FGF12: variants seen among roughly 807,000 people sequenced by gnomAD.
The protein encoded by FGF12 is fibroblast growth factor 12B.
In FGF12, 14 loss-of-function variants were observed where a neutral mutation model predicts 23.6. That is an observed-to-expected ratio of 0.59 (90% CI 0.39 to 0.93). The LOEUF is 0.93. Ranked by LOEUF, FGF12 falls within the 40% of genes least tolerant of loss-of-function variation. The probability of loss-of-function intolerance (pLI) is 0.00; values close to 1 mark genes in which losing one functional copy is unlikely to be tolerated. For missense variants in FGF12, 175 were observed against 217.8 expected (o/e 0.80, Z 1.24); for synonymous variants, 62 against 77.3 (o/e 0.80, Z 1.04).
intron 2 of FGF12, among the ~76,000 whole-genome samples, chr3:192,439,748 G>A (rs948285988): frequency 7.7e-4 from 117 of 151,994 alleles, no homozygotes; most frequent in African/African-American, 2.8e-3. Flanking sequence ...AGGCCAAGGT[G>A]GGTGAATCAC....
chr3:192,234,972 T>G (rs1440311474), intron 4 of FGF12, among the ~76,000 whole-genome samples: 1 of 152,214 alleles, frequency 6.6e-6, no homozygotes, highest in Non-Finnish European at 1.5e-5. Context: ...TTTATATCTA[T>G]GTTCATCAAG....
chr3:192,670,157 G>T (rs1388281601), intron 2 of FGF12, among the ~76,000 whole-genome samples: 1 of 152,100 alleles, frequency 6.6e-6, no homozygotes, highest in African/African-American at 2.4e-5. Context: ...TGCAGAAGTA[G>T]ATTGACAATC....
chr3:192,558,966 A>G (rs1577053383), intron 2 of FGF12, among the ~76,000 whole-genome samples: 2 of 151,992 alleles, frequency 1.3e-5, no homozygotes. Flanking sequence ...TCGATTAAAG[A>G]CTTAAATGCA....
chr3:192,555,372 T>C (rs566537127), intron 2 of FGF12, among the ~76,000 whole-genome samples: 10 of 152,086 alleles, frequency 6.6e-5, no homozygotes, highest in African/African-American at 2.4e-4. Context: ...AAATAGAAAA[T>C]CAGAGAATAG....
At position 192,222,056 on chromosome 3, in the gene FGF12, C is replaced by T. The variant is rs115253812; in HGVS notation, c.229-51400G>A. On this transcript the variant is annotated intron_variant, in intron 4 of 5. Coordinates refer to ENST00000445105, the MANE Select transcript of FGF12 (RefSeq NM_004113.6). The stretch of plus-strand genomic sequence containing the variant: ...GGAACAGAGAACATGACAGGTGTGA[C>T]ATGTATTCAGATACTATCCATAAAT... Among the ~76,000 whole-genome samples, 791 of 152,192 alleles carry T rather than the reference C, an allele frequency of 5.2e-3. 3 individuals carry two copies. The highest frequency in any genetic ancestry group is 0.019 in the African/African-American group (769 of 41,534).
intron 2 of FGF12, among the ~76,000 whole-genome samples, chr3:192,676,367 C>T (rs1717327252): frequency 6.6e-6 from 1 of 152,212 alleles, no homozygotes; most frequent in South Asian, 2.1e-4. Context: ...CAACTCCTCT[C>T]TTTATGAAAT....
intron 2 of FGF12, among the ~76,000 whole-genome samples, chr3:192,616,387 A>G (rs1714755609): frequency 1.3e-5 from 2 of 152,068 alleles, no homozygotes. Context: ...TTATTTAGGT[A>G]TATACCTCAT....
intron 2 of FGF12, among the ~76,000 whole-genome samples, chr3:192,489,896 G>C (rs1723748997): frequency 6.6e-6 from 1 of 151,814 alleles, no homozygotes; most frequent in Non-Finnish European, 1.5e-5. Flanking sequence ...TTAATACCTG[G>C]GCGATGAAAT....
intron 2 of FGF12, among the ~76,000 whole-genome samples, chr3:192,658,293 T>C (rs140480863): frequency 6.6e-6 from 1 of 152,340 alleles, no homozygotes; most frequent in East Asian, 1.9e-4. Flanking sequence ...AACCTGCCAG[T>C]GGTCAGGTAC....
At chr3:192,688,796 T>C (rs1028405842) in intron 2 of FGF12, among the ~76,000 whole-genome samples, 1 of 152,210 alleles carries the variant, frequency 6.6e-6, no homozygotes, top group Admixed American at 6.5e-5. Flanking sequence ...CCCCCGTGTG[T>C]ATTGCAGCAG....
intron 2 of FGF12, among the ~76,000 whole-genome samples, chr3:192,507,398 T>C (rs4502538): frequency 0.051 from 7,627 of 150,306 alleles, 338 homozygotes; most frequent in Admixed American, 0.16. Context: ...CACACAGACA[T>C]TTTAAATAGA....
intron 4 of FGF12, among the ~76,000 whole-genome samples, chr3:192,211,503 G>C (rs946494213): frequency 2.2e-5 from 3 of 134,988 alleles, no homozygotes; most frequent in African/African-American, 8.8e-5. Context: ...TCGGCTCACT[G>C]CAAGCTCCGC....
At chr3:192,539,442 T>C (rs1725311483) in intron 2 of FGF12, among the ~76,000 whole-genome samples, 1 of 152,320 alleles carries the variant, frequency 6.6e-6, no homozygotes, top group South Asian at 2.1e-4. Context: ...ATGCATCACA[T>C]TGATTGATTT....
At chr3:192,587,127 G>A (rs1713406612) in intron 2 of FGF12, among the ~76,000 whole-genome samples, 2 of 148,030 alleles carry the variant, frequency 1.4e-5, no homozygotes, top group African/African-American at 4.9e-5. Context: ...GCATTTGAAG[G>A]GAAAGTGCTG....
chr3:192,306,437 G>A (rs529943684), intron 4 of FGF12, among the ~76,000 whole-genome samples: 1 of 152,134 alleles, frequency 6.6e-6, no homozygotes, highest in East Asian at 1.9e-4. Context: ...TTTCTGGGTG[G>A]CATCATAATC....
chr3:192,675,374 C>T (rs965236911), intron 2 of FGF12, among the ~76,000 whole-genome samples: 4 of 150,784 alleles, frequency 2.7e-5, no homozygotes, highest in African/African-American at 9.8e-5. Flanking sequence ...TACATAGTGA[C>T]ATAAATGATA....
At chr3:192,256,502 T>C (rs1287307882) in intron 4 of FGF12, among the ~76,000 whole-genome samples, 1 of 151,778 alleles carries the variant, frequency 6.6e-6, no homozygotes, top group Admixed American at 6.6e-5. Context: ...AAGTAAAATA[T>C]GCGGGTTTAC....
Position 192,410,035 on chromosome 3 carries a change from G to A in FGF12, c.14-49497C>T, listed in dbSNP as rs557082221. On this transcript the variant is annotated intron_variant, in intron 2 of 5. Coordinates refer to ENST00000445105, the MANE Select transcript of FGF12 (RefSeq NM_004113.6). Reference sequence around the variant, plus strand: ...CTGGCTCAGCTGGAGTGCTAGCTCCGCAGGAAACTCGGGGCCCGGGCGAGA... The same window carrying A: ...CTGGCTCAGCTGGAGTGCTAGCTCCACAGGAAACTCGGGGCCCGGGCGAGA... Among the ~76,000 whole-genome samples the A allele has an allele frequency of 3.5e-3, 540 of 152,140 alleles. 1 individual carries two copies. Among genetic ancestry groups the A allele is most frequent in the African/African-American group, 0.012 (509 of 41,538 alleles).
intron 3 of FGF12, among the ~76,000 whole-genome samples, chr3:192,354,814 A>G (rs913549654): frequency 1.8e-4 from 27 of 152,094 alleles, no homozygotes; most frequent in African/African-American, 6.0e-4. Context: ...CAAGCAATTC[A>G]CGTGCCTCAG....
Sources: gnomAD v4.1 joint callset for allele counts (sites outside exome capture counted in the v4.1 genomes callset) on GRCh38, gnomAD v4.1.1 for gene constraint, MANE v1.5 for transcripts, NCBI Gene and HGNC (gene_info 2026-07-23, HGNC 2026-07-21) for gene names.